Variants in ACAD11 observed in about 807,000 individuals in gnomAD.
The protein encoded by ACAD11 is acyl-Coenzyme A dehydrogenase family, member 11.
ACAD11 carries 83 observed loss-of-function variants against 102.2 expected under a neutral mutation model. The ratio of observed to expected loss-of-function variants is 0.81; its 90% CI spans 0.68 to 0.97. The LOEUF is 0.97. Ranked by LOEUF, ACAD11 falls within the 50% of genes least tolerant of loss-of-function variation. ACAD11 has a pLI of 0.00. For synonymous variants in ACAD11, 324 were observed against 319.8 expected (o/e 1.01, Z -0.14); for missense variants, 901 against 951.7 (o/e 0.95, Z 0.70).
chr3:132,576,814 C>A (rs1050857733), intron 16 of ACAD11, 130 bp downstream of exon 16: 1 of 708,180 alleles, frequency 1.4e-6, no homozygotes, highest in Non-Finnish European at 2.4e-6. Context: ...ACCGCAATAA[C>A]TTTTGCACGA....
chr3:132,659,624 G>C lies in ACAD11; in HGVS notation c.128C>G (p.Thr43Arg). 1 of 1,610,084 alleles carries C rather than the reference G, an allele frequency of 6.2e-7. No individual in the cohort carries two copies. The highest frequency in any genetic ancestry group is 8.5e-7 in the Non-Finnish European group (1 of 1,178,328). The change falls in exon 1 of 20, where the codon ACG becomes AGG. Residue 43 changes from threonine to arginine, a missense_variant. Transcript: ENST00000264990. Reference protein sequence around the residue: ...LSGFGAEREATLTIAQYRAGK... With the variant: ...LSGFGAEREARLTIAQYRAGK... ...ATACCTGTACTGGGCAATGGTCAGCGTAGCCTCACGTTCGGCCCCAAAGCC... is the reference window on the plus strand; with the variant it reads ...ATACCTGTACTGGGCAATGGTCAGCCTAGCCTCACGTTCGGCCCCAAAGCC...
intron 11 of ACAD11, among the ~76,000 whole-genome samples, chr3:132,612,926 C>T (rs191381300): frequency 3.7e-4 from 57 of 152,110 alleles, no homozygotes; most frequent in South Asian, 1.2e-3. Flanking sequence ...CACATGCACA[C>T]GTATGTTTAT....
chr3:132,635,565 A>C (rs778573540), intron 5 of ACAD11, among the ~76,000 whole-genome samples: 1 of 152,144 alleles, frequency 6.6e-6, no homozygotes, highest in Non-Finnish European at 1.5e-5. Context: ...ATAACTCTGG[A>C]CAAGTTAGTT....
In ACAD11 at chr3:132,639,579, T is replaced by A; in HGVS notation, c.615A>T (p.Leu205=). ...IPAMQQLSEW[L]MKNLPDNDNE... ...TGTCATTATCGGGCAAGTTCTTCAT[T>A]AGCCACTCCGATAGCTGTTGCATGG... The change falls in exon 5 of 20, where the codon CTA becomes CTT. Residue 205 remains leucine (L), a synonymous_variant. Coordinates refer to ENST00000264990, the MANE Select transcript of ACAD11 (RefSeq NM_032169.5). The A allele has an allele frequency of 6.2e-7, 1 of 1,614,008 alleles. No individual in the cohort carries two copies.
At chr3:132,642,564 C>T in intron 3 of ACAD11, 113 bp downstream of exon 3, 1 of 1,197,840 alleles carries the variant, frequency 8.3e-7, no homozygotes, top group South Asian at 1.7e-5. Context: ...AATCTAATTA[C>T]CTAAAATGTT....
At chr3:132,619,607 T>A in intron 9 of ACAD11, 62 bp from the exon 10 acceptor site, 1 of 887,768 alleles carries the variant, frequency 1.1e-6, no homozygotes, top group Non-Finnish European at 1.7e-6. Context: ...AACAATGTCA[T>A]AAACTGCTAA....
chr3:132,642,081 G>A lies in ACAD11; in HGVS notation c.428C>T (p.Ser143Leu), dbSNP rs1173376234. ...TTCTACCGTGGCCACATATATGGCT[G>A]AACGTTCTGCTGGGCTAAGTCCAGG... Reference protein sequence around the residue: ...TIPGLSPAERSAIYVATVETL... With the variant: ...TIPGLSPAERLAIYVATVETL... The change falls in exon 4 of 20, where the codon TCA becomes TTA. Residue 143 changes from serine to leucine, a missense_variant. Ser to Leu is a moderately radical substitution (Grantham distance 145, BLOSUM62 -2). Coordinates refer to ENST00000264990, the MANE Select transcript of ACAD11 (RefSeq NM_032169.5). The A allele has an allele frequency of 1.1e-5, 17 of 1,613,910 alleles. No individual in the cohort carries two copies. The highest frequency in any genetic ancestry group is 1.4e-5 in the Non-Finnish European group (17 of 1,179,948).
chr3:132,641,698 G>GGAAGAAGAAGAAGAAGAA (rs199597510), intron 4 of ACAD11, among the ~76,000 whole-genome samples: 175 of 116,682 alleles, frequency 1.5e-3, no homozygotes, highest in South Asian at 6.0e-3. Flanking sequence ...AAGAGGAAGA[G>GGAAGAAGAAGAAGAAGAA]GAAGAAGAAG....
intron 1 of ACAD11, chr3:132,647,268 A>T (rs1940750506): frequency 6.6e-6 from 1 of 152,192 alleles, no homozygotes; most frequent in Non-Finnish European, 1.5e-5. Context: ...AGGCCTCCAA[A>T]TAGCCTAGAA....
intron 17 of ACAD11, among the ~76,000 whole-genome samples, chr3:132,573,587 T>C (rs190264686): frequency 7.2e-5 from 11 of 152,336 alleles, no homozygotes; most frequent in South Asian, 6.2e-4. Context: ...GAAACATGGC[T>C]CTGAATTAAT....
At chr3:132,565,777 C>G (rs1363629390) in intron 17 of ACAD11, among the ~76,000 whole-genome samples, 1 of 152,024 alleles carries the variant, frequency 6.6e-6, no homozygotes, top group African/African-American at 2.4e-5. Context: ...TCTGGGATGT[C>G]CCCCCTTATC....
At chr3:132,568,011 G>A (rs925478969) in intron 17 of ACAD11, among the ~76,000 whole-genome samples, 3 of 152,082 alleles carry the variant, frequency 2.0e-5, no homozygotes, top group East Asian at 1.9e-4. Flanking sequence ...TGAGTTCAGC[G>A]AGGCCACAGG....
intron 8 of ACAD11, among the ~76,000 whole-genome samples, chr3:132,627,489 C>G (rs1255239819): frequency 6.6e-6 from 1 of 152,152 alleles, no homozygotes; most frequent in Non-Finnish European, 1.5e-5. Context: ...CACAAATAAT[C>G]ATTATTCTTA....
At chr3:132,657,879 T>TC (rs1183727405) in intron 1 of ACAD11, among the ~76,000 whole-genome samples, 1 of 147,018 alleles carries the variant, frequency 6.8e-6, no homozygotes, top group East Asian at 1.9e-4. Context: ...TTTTTTTTTT[T>TC]TTTTTTTGAG....
In ACAD11 at chr3:132,581,371, T is replaced by A. The variant is rs115405893; in HGVS notation, c.1622-1813A>T. Reference sequence around the variant, plus strand: ...AAATTAAGAATATACTCGAGCAAAATAAGGGAGTAAGTCAAGAGAAAGGAA... The same window carrying A: ...AAATTAAGAATATACTCGAGCAAAAAAAGGGAGTAAGTCAAGAGAAAGGAA... On this transcript the variant is annotated intron_variant, in intron 13 of 19. Transcript: ENST00000264990. 2.6e-3 allele frequency among the ~76,000 whole-genome samples: 388 copies of A among 151,930 alleles called. 2 individuals carry two copies. The highest frequency in any genetic ancestry group is 8.9e-3 in the African/African-American group (371 of 41,484).
chr3:132,604,937 A>G, intron 12 of ACAD11, 161 bp downstream of exon 12: 1 of 507,222 alleles, frequency 2.0e-6, no homozygotes, highest in Admixed American at 3.4e-5. Context: ...ACATTTGAAA[A>G]TGCCAAAATT....
chr3:132,612,074 A>G (rs1939178583), intron 11 of ACAD11, among the ~76,000 whole-genome samples: 1 of 152,044 alleles, frequency 6.6e-6, no homozygotes, highest in Non-Finnish European at 1.5e-5. Context: ...AATGCCGCAT[A>G]TCTACAACTA....
intron 3 of ACAD11, 141 bp from the exon 4 acceptor site, chr3:132,642,274 G>A: frequency 2.6e-6 from 2 of 773,858 alleles, no homozygotes; most frequent in Admixed American, 3.1e-5. Flanking sequence ...ATGCCAAGAT[G>A]AATATAAACA....
intron 17 of ACAD11, among the ~76,000 whole-genome samples, chr3:132,569,012 T>C (rs1178364280): frequency 6.6e-6 from 1 of 151,848 alleles, no homozygotes; most frequent in Non-Finnish European, 1.5e-5. Flanking sequence ...TAGAGTTCAT[T>C]AAAATTAAAC....
Sources: allele counts gnomAD v4.1 joint callset (sites outside exome capture counted in the v4.1 genomes callset), GRCh38; gene constraint gnomAD v4.1.1; transcripts MANE v1.5; gene names NCBI Gene and HGNC (gene_info 2026-07-23, HGNC 2026-07-21).